The following LINGO2 variants were observed in gnomAD, a reference collection of about 807,000 sequenced individuals.
LINGO2 encodes the protein leucine rich repeat and Ig domain containing 2.
LINGO2 carries 14 observed loss-of-function variants against 30.6 expected under a neutral mutation model. That is an observed-to-expected ratio of 0.46 (90% CI 0.30 to 0.72). The LOEUF (loss-of-function observed/expected upper bound fraction) is 0.72. LINGO2 is among the 30% of genes least tolerant of loss of function. The pLI is 0.07. For missense variants in LINGO2, 729 were observed against 751.7 expected, an observed-to-expected ratio of 0.97 and a Z score of 0.35; for synonymous variants, 317 against 288.5, an observed-to-expected ratio of 1.10 and a Z score of -1.00.
At chr9:29,156,588 C>T in the LINGO2 span, among the ~76,000 whole-genome samples, 1 of 152,068 alleles carries the variant, frequency 6.6e-6, no homozygotes, top group Admixed American at 6.6e-5. Flanking sequence ...AATTCTTGCA[C>T]AGTTTTTATG....
At chr9:28,901,477 C>T in the LINGO2 span, among the ~76,000 whole-genome samples, 2 of 150,916 alleles carry the variant, frequency 1.3e-5, no homozygotes, top group Non-Finnish European at 3.0e-5. Context: ...GGTCAAAAGA[C>T]AAAATTATTA....
intron 1 of LINGO2, among the ~76,000 whole-genome samples, chr9:28,639,082 G>A (rs1196421401): frequency 6.6e-6 from 1 of 152,118 alleles, no homozygotes; most frequent in Non-Finnish European, 1.5e-5. Flanking sequence ...TATGTACCCA[G>A]TAGCCACTCA....
the LINGO2 span, among the ~76,000 whole-genome samples, chr9:28,887,481 T>C: frequency 1.1e-4 from 17 of 151,998 alleles, no homozygotes; most frequent in African/African-American, 4.1e-4. Flanking sequence ...TAAAGAGTAA[T>C]GTTAGTGGAT....
At chr9:28,989,974 C>T in the LINGO2 span, among the ~76,000 whole-genome samples, 17 of 152,262 alleles carry the variant, frequency 1.1e-4, no homozygotes, top group South Asian at 6.2e-4. Context: ...ACGCAGAAGA[C>T]GGCTGATTTC....
At chr9:28,093,688 A>T (rs1826163749) in intron 4 of LINGO2, among the ~76,000 whole-genome samples, 1 of 152,070 alleles carries the variant, frequency 6.6e-6, no homozygotes, top group Non-Finnish European at 1.5e-5. Flanking sequence ...CTGAAGATGC[A>T]GTGTGCTGCT....
the LINGO2 span, among the ~76,000 whole-genome samples, chr9:28,698,657 G>GTT: frequency 6.6e-6 from 1 of 151,648 alleles, no homozygotes; most frequent in Non-Finnish European, 1.5e-5. Context: ...AGGACTTTCA[G>GTT]GTTAGTTTCA....
At chr9:27,938,741 G>A in the LINGO2 span, 1 of 152,158 alleles carries the variant, frequency 6.6e-6, no homozygotes, top group African/African-American at 2.4e-5. Flanking sequence ...GAGAAACACA[G>A]AGCTAAGGTT....
the LINGO2 span, among the ~76,000 whole-genome samples, chr9:29,043,601 T>C: frequency 6.6e-6 from 1 of 152,146 alleles, no homozygotes; most frequent in Admixed American, 6.6e-5. Flanking sequence ...ATTTCATTAT[T>C]ACTAAGTAGT....
intron 2 of LINGO2, among the ~76,000 whole-genome samples, chr9:28,376,486 A>G (rs2134602618): frequency 1.3e-5 from 2 of 152,180 alleles, no homozygotes; most frequent in Middle Eastern, 6.8e-3. Context: ...CGTGACAAAG[A>G]CTCACTGCCC....
intron 1 of LINGO2, among the ~76,000 whole-genome samples, chr9:28,563,817 G>A (rs987800772): frequency 6.6e-6 from 1 of 152,062 alleles, no homozygotes; most frequent in Non-Finnish European, 1.5e-5. Context: ...CCAGAATCGC[G>A]GCTGCTGAGC....
At chr9:28,056,079 G>C (rs536422068) in intron 4 of LINGO2, among the ~76,000 whole-genome samples, 4 of 152,166 alleles carry the variant, frequency 2.6e-5, no homozygotes, top group African/African-American at 7.2e-5. Context: ...AAAGAAAGGA[G>C]CTCCCCGCTT....
chr9:28,901,610 T>C, the LINGO2 span, among the ~76,000 whole-genome samples: 1 of 151,732 alleles, frequency 6.6e-6, no homozygotes, highest in Non-Finnish European at 1.5e-5. Context: ...TTATATGTGA[T>C]TAAAAATTAA....
the LINGO2 span, among the ~76,000 whole-genome samples, chr9:28,894,339 T>C: frequency 6.6e-6 from 1 of 152,144 alleles, no homozygotes; most frequent in African/African-American, 2.4e-5. Flanking sequence ...TTATCATGGA[T>C]AATAATAGTG....
At chr9:27,995,090 A>C (rs939284812) in intron 5 of LINGO2, among the ~76,000 whole-genome samples, 1 of 152,202 alleles carries the variant, frequency 6.6e-6, no homozygotes, top group African/African-American at 2.4e-5. Context: ...AATACAAAGA[A>C]TCATTAGAGA....
intron 2 of LINGO2, among the ~76,000 whole-genome samples, chr9:28,453,262 A>G (rs1349770752): frequency 6.6e-6 from 1 of 151,954 alleles, no homozygotes; most frequent in East Asian, 1.9e-4. Flanking sequence ...AAAGATGCTC[A>G]TACAAAGAGA....
Position 28,233,030 on chromosome 9 carries a change from TTATATA to T in LINGO2, c.-87+62172_-87+62177del, listed in dbSNP as rs1554690875. On this transcript the variant is annotated intron_variant, in intron 4 of 5. Coordinates refer to ENST00000379992, the Ensembl canonical transcript of LINGO2. Reference sequence around the variant, plus strand: ...CTTCTCATGAGAGAGACAGTAAACATTATATATATATATATATATATATATATATAT... The same window carrying T: ...CTTCTCATGAGAGAGACAGTAAACATTATATATATATATATATATATATAT... 6.0e-3 allele frequency among the ~76,000 whole-genome samples: 464 copies of T among 77,680 alleles called. 13 individuals carry two copies. The highest frequency in any genetic ancestry group is 0.033 in the African/African-American group (435 of 13,106). 51.0% of individuals were successfully genotyped at this position (77,680 alleles called of 152,430 possible). A position where few individuals can be genotyped will look rare whatever the true frequency, so the allele number is the denominator to read the frequency against.
At chr9:28,185,613 T>C (rs186914152) in intron 4 of LINGO2, among the ~76,000 whole-genome samples, 2 of 152,308 alleles carry the variant, frequency 1.3e-5, no homozygotes, top group East Asian at 3.9e-4. Flanking sequence ...TTGTATTCTT[T>C]AGAAAACTGA....
chr9:28,348,386 C>T (rs111334223), intron 3 of LINGO2, among the ~76,000 whole-genome samples: 22,065 of 152,054 alleles, frequency 0.15, 1,947 homozygotes, highest in East Asian at 0.38. Context: ...AAAGGGGTGA[C>T]GGACTGCACC....
At chr9:28,727,712 A>G in the LINGO2 span, among the ~76,000 whole-genome samples, 1 of 152,182 alleles carries the variant, frequency 6.6e-6, no homozygotes, top group African/African-American at 2.4e-5. Context: ...GTGGGATGAA[A>G]TGTTTTGAAA....
Sources: gnomAD v4.1 joint callset for allele counts (sites outside exome capture counted in the v4.1 genomes callset) on GRCh38, gnomAD v4.1.1 for gene constraint, MANE v1.5 for transcripts, NCBI Gene and HGNC (gene_info 2026-07-23, HGNC 2026-07-21) for gene names.